The following NRG1 variants were observed in gnomAD, a reference collection of about 807,000 sequenced individuals.
NRG1 encodes the protein pro-neuregulin-1, membrane-bound isoform.
NRG1 carries 18 observed loss-of-function variants against 63.8 expected under a neutral mutation model. That is an observed-to-expected ratio of 0.28 (90% confidence interval 0.19 to 0.42). The LOEUF is 0.42. Among genes scored for constraint, NRG1 ranks in the 10% least tolerant of loss-of-function variants. The pLI, the probability that NRG1 is intolerant of heterozygous loss-of-function variation, is 1.00. For synonymous variants in NRG1, 302 were observed against 301.3 expected, an observed-to-expected ratio of 1.00 and a Z score of -0.02; for missense variants, 762 against 814.7, an observed-to-expected ratio of 0.94 and a Z score of 0.79.
At chr8:32,384,979 A>G (rs1810806574) in intron 1 of NRG1, among the ~76,000 whole-genome samples, 1 of 152,180 alleles carries the variant, frequency 6.6e-6, no homozygotes, top group South Asian at 2.1e-4. Context: ...CCCTTATTCT[A>G]GGGGAAACCA....
At chr8:31,950,488 A>T (rs557496471) in intron 1 of NRG1, among the ~76,000 whole-genome samples, 26 of 152,356 alleles carry the variant, frequency 1.7e-4, no homozygotes, top group Admixed American at 1.3e-4. Context: ...ACACTAGTCA[A>T]ACAAACAGGT....
intron 1 of NRG1, among the ~76,000 whole-genome samples, chr8:32,282,713 A>G (rs1853019720): frequency 6.6e-6 from 1 of 152,208 alleles, no homozygotes; most frequent in Non-Finnish European, 1.5e-5. Flanking sequence ...CTTAACCCTT[A>G]AAGATCTGAC....
chr8:32,175,283 T>C (rs4255096), intron 1 of NRG1, among the ~76,000 whole-genome samples: 116,819 of 148,856 alleles, frequency 0.78, 45,411 homozygotes, highest in African/African-American at 0.88. Flanking sequence ...ATTCAACAAC[T>C]CTTCATGCTA....
upstream of NRG1, among the ~76,000 whole-genome samples, chr8:32,545,250 C>A (rs775886272): frequency 6.8e-6 from 1 of 147,376 alleles, no homozygotes; most frequent in African/African-American, 2.6e-5. Flanking sequence ...CACACGATTG[C>A]GTTTCTCTTA....
At chr8:32,595,894 G>A (rs369794181) in exon 2 of NRG1, 9 of 1,613,662 alleles carry the variant, frequency 5.6e-6, no homozygotes, top group East Asian at 4.5e-5. Flanking sequence ...CTAGTCCTTC[G>A]GTGTGAAACC....
chr8:32,604,176 T>C (rs1015546428), intron 2 of NRG1, among the ~76,000 whole-genome samples: 2 of 152,038 alleles, frequency 1.3e-5, no homozygotes, highest in African/African-American at 2.4e-5. Flanking sequence ...GGTGAAGCAG[T>C]TGGCACCTGA....
chr8:32,127,301 C>A (rs1176772979), intron 1 of NRG1, among the ~76,000 whole-genome samples: 1 of 151,814 alleles, frequency 6.6e-6, no homozygotes, highest in Non-Finnish European at 1.5e-5. Flanking sequence ...CAGTGTTAGC[C>A]TAATCTGAGC....
At chr8:32,281,375 A>G (rs989759205) in intron 1 of NRG1, among the ~76,000 whole-genome samples, 1 of 151,032 alleles carries the variant, frequency 6.6e-6, no homozygotes, top group African/African-American at 2.4e-5. Context: ...ATGGGGTTTC[A>G]CCATGTTGGC....
chr8:32,044,913 C>CAAAAAAAAAAAAAAAAAAAA, intron 1 of NRG1, among the ~76,000 whole-genome samples: 55 of 57,132 alleles, frequency 9.6e-4, no homozygotes, highest in East Asian at 1.4e-3. Flanking sequence ...TAAAGAAAAG[C>CAAAAAAAAAAAAAAAAAAAA]AAAAAAAAAA....
chr8:31,689,110 ATTTC>A (rs1196322392), intron 1 of NRG1, among the ~76,000 whole-genome samples: 4 of 152,130 alleles, frequency 2.6e-5, no homozygotes, highest in African/African-American at 7.2e-5. Flanking sequence ...AATCCTTGTA[ATTTC>A]ATGGGGCCCA....
At chr8:32,372,094 T>A (rs552745323) in intron 1 of NRG1, among the ~76,000 whole-genome samples, 1 of 147,444 alleles carries the variant, frequency 6.8e-6, no homozygotes, top group African/African-American at 2.5e-5. Context: ...GCTCAAGCAA[T>A]CCTCCCACCT....
At chr8:32,560,233 A>G (rs1377227917) in intron 1 of NRG1, among the ~76,000 whole-genome samples, 1 of 151,954 alleles carries the variant, frequency 6.6e-6, no homozygotes, top group East Asian at 1.9e-4. Flanking sequence ...TTGCAAGACC[A>G]AAGTCAGAGC....
intron 1 of NRG1, among the ~76,000 whole-genome samples, chr8:32,371,124 A>C (rs1047309456): frequency 3.9e-5 from 6 of 152,120 alleles, no homozygotes; most frequent in Non-Finnish European, 8.8e-5. Flanking sequence ...AGACAGGAGA[A>C]TTGCTTGAAC....
intron 5 of NRG1, among the ~76,000 whole-genome samples, chr8:32,724,039 C>CA (rs1469772030): frequency 6.6e-6 from 1 of 152,164 alleles, no homozygotes; most frequent in Non-Finnish European, 1.5e-5. Flanking sequence ...AAGGAATGGC[C>CA]AAAACCGTAA....
intron 1 of NRG1, among the ~76,000 whole-genome samples, chr8:32,171,841 C>T (rs889525593): frequency 9.2e-5 from 14 of 152,056 alleles, no homozygotes; most frequent in East Asian, 1.9e-4. Context: ...GTAAACAAAG[C>T]GGCCAGGAAG....
intron 1 of NRG1, among the ~76,000 whole-genome samples, chr8:32,287,788 A>G (rs1853714099): frequency 6.6e-6 from 1 of 152,212 alleles, no homozygotes; most frequent in South Asian, 2.1e-4. Context: ...CAATGTCGAG[A>G]GTAACACATT....
At chr8:32,333,868 A>G (rs780097127) in intron 1 of NRG1, among the ~76,000 whole-genome samples, 7 of 152,190 alleles carry the variant, frequency 4.6e-5, no homozygotes, top group Non-Finnish European at 1.0e-4. Context: ...TTGTGTAAAC[A>G]CAACAGATTC....
At chr8:31,991,096 A>C (rs1261543802) in intron 1 of NRG1, among the ~76,000 whole-genome samples, 2 of 152,088 alleles carry the variant, frequency 1.3e-5, no homozygotes, top group Non-Finnish European at 2.9e-5. Flanking sequence ...TGTTTCAGAA[A>C]AGAAATACAT....
At chr8:32,772,252 C>T (rs1166014760), downstream of NRG1, among the ~76,000 whole-genome samples, 2 of 151,066 alleles carry the variant, frequency 1.3e-5, no homozygotes, top group African/African-American at 2.4e-5. Flanking sequence ...TTTTCTCATC[C>T]TGGGTATGAA....
Sources: gnomAD v4.1 joint callset for allele counts (sites outside exome capture counted in the v4.1 genomes callset) on GRCh38, gnomAD v4.1.1 for gene constraint, MANE v1.5 for transcripts, NCBI Gene and HGNC (gene_info 2026-07-23, HGNC 2026-07-21) for gene names.